CHLSN: variants seen among roughly 807,000 people sequenced by gnomAD.
The protein encoded by CHLSN is protein cholesin.
chr7:1,007,579 AGAG>A, the CHLSN span, among the ~76,000 whole-genome samples: 9 of 152,244 alleles, frequency 5.9e-5, no homozygotes, highest in Admixed American at 3.9e-4. Flanking sequence ...CCCCCAGGAA[AGAG>A]GAGAAGCTCC....
chr7:1,099,227 C>T, the CHLSN span, among the ~76,000 whole-genome samples: 2 of 150,780 alleles, frequency 1.3e-5, no homozygotes, highest in Non-Finnish European at 3.0e-5. Context: ...CCTCCCCTTC[C>T]GGAGCCTCGC....
the CHLSN span, among the ~76,000 whole-genome samples, chr7:1,113,120 C>T: frequency 6.6e-6 from 1 of 152,120 alleles, no homozygotes; most frequent in Non-Finnish European, 1.5e-5. Context: ...CGCACACACC[C>T]GCACGTACAA....
At chr7:1,013,057 G>A in the CHLSN span, among the ~76,000 whole-genome samples, 10 of 152,272 alleles carry the variant, frequency 6.6e-5, no homozygotes, top group East Asian at 7.7e-4. Flanking sequence ...TGGGAGCAGC[G>A]CGGGAGGGTG....
At chr7:1,009,182 G>A in the CHLSN span, among the ~76,000 whole-genome samples, 2,153 of 152,316 alleles carry the variant, frequency 0.014, 31 homozygotes, top group Non-Finnish European at 0.024. Flanking sequence ...AGGTGCGGCT[G>A]GAGCCTGTCC....
At chr7:993,898 C>G in the CHLSN span, among the ~76,000 whole-genome samples, 1 of 151,702 alleles carries the variant, frequency 6.6e-6, no homozygotes, top group South Asian at 2.1e-4. Context: ...AGCTGTTTCT[C>G]AGACATCAAT....
chr7:1,000,480 T>G, the CHLSN span: 1 of 1,605,146 alleles, frequency 6.2e-7, no homozygotes, highest in South Asian at 1.1e-5. Context: ...CTTGTCACTG[T>G]CATACATGTG....
the CHLSN span, chr7:1,000,585 G>A: frequency 6.4e-7 from 1 of 1,552,092 alleles, no homozygotes; most frequent in East Asian, 2.3e-5. Context: ...TCAGGGTGCT[G>A]GGCAAAAGAC....
chr7:1,029,376 C>A, the CHLSN span, among the ~76,000 whole-genome samples: 1 of 152,196 alleles, frequency 6.6e-6, no homozygotes, highest in Non-Finnish European at 1.5e-5. Context: ...GATCTTCCTG[C>A]CTCGGCCTCC....
the CHLSN span, among the ~76,000 whole-genome samples, chr7:1,053,695 C>T: frequency 2.0e-5 from 3 of 152,210 alleles, no homozygotes; most frequent in Admixed American, 6.5e-5. Context: ...GGTGTGGTGG[C>T]AGTCGCCTGT....
chr7:1,033,776 A>G, the CHLSN span, among the ~76,000 whole-genome samples: 1 of 151,866 alleles, frequency 6.6e-6, no homozygotes, highest in Non-Finnish European at 1.5e-5. Context: ...TGAGGTGAGG[A>G]GACACCCAGG....
chr7:990,709 G>C, the CHLSN span, among the ~76,000 whole-genome samples: 1 of 152,184 alleles, frequency 6.6e-6, no homozygotes, highest in Non-Finnish European at 1.5e-5. Context: ...TTCTGGGGAA[G>C]AGCAGGGAGC....
chr7:1,007,570 C>G, the CHLSN span, among the ~76,000 whole-genome samples: 1 of 152,190 alleles, frequency 6.6e-6, no homozygotes, highest in African/African-American at 2.4e-5. Flanking sequence ...CCTTGGAGAC[C>G]CCCAGGAAAG....
At chr7:1,077,818 G>C in the CHLSN span, 2 of 152,292 alleles carry the variant, frequency 1.3e-5, no homozygotes, top group Admixed American at 1.3e-4. Flanking sequence ...GCGCGGGACA[G>C]ACACAAGGGC....
chr7:1,053,113 C>T, the CHLSN span, among the ~76,000 whole-genome samples: 1 of 152,204 alleles, frequency 6.6e-6, no homozygotes. Flanking sequence ...TCCAGGATGC[C>T]CTGCTTCCCC....
At chr7:1,058,024 A>G in the CHLSN span, 4 of 769,566 alleles carry the variant, frequency 5.2e-6, no homozygotes, top group Non-Finnish European at 9.6e-6. Context: ...ATCTGCAGCC[A>G]TGTGTCCACC....
At chr7:1,126,142 C>T in the CHLSN span, among the ~76,000 whole-genome samples, 1 of 151,572 alleles carries the variant, frequency 6.6e-6, no homozygotes, top group Non-Finnish European at 1.5e-5. Flanking sequence ...AGGTGGATCA[C>T]GAGGTCAGGA....
the CHLSN span, among the ~76,000 whole-genome samples, chr7:1,102,743 G>A: frequency 6.6e-6 from 1 of 152,238 alleles, no homozygotes; most frequent in Non-Finnish European, 1.5e-5. Context: ...CAGGCACGGT[G>A]CCCGCCTCAC....
the CHLSN span, among the ~76,000 whole-genome samples, chr7:1,102,699 T>A: frequency 2.0e-5 from 3 of 152,202 alleles, no homozygotes; most frequent in Non-Finnish European, 2.9e-5. Flanking sequence ...TGAACTGTGA[T>A]CCTGCGCCCC....
At chr7:1,019,546 G>T in the CHLSN span, among the ~76,000 whole-genome samples, 1 of 152,258 alleles carries the variant, frequency 6.6e-6, no homozygotes, top group East Asian at 1.9e-4. Context: ...TTTCAAAACA[G>T]TGAAGCCCTG....
Sources: gnomAD v4.1 joint callset for allele counts (sites outside exome capture counted in the v4.1 genomes callset) on GRCh38, gnomAD v4.1.1 for gene constraint, MANE v1.5 for transcripts, NCBI Gene and HGNC (gene_info 2026-07-23, HGNC 2026-07-21) for gene names.